HERC1: variants seen among roughly 807,000 people sequenced by gnomAD.
HERC1 encodes the protein probable E3 ubiquitin-protein ligase HERC1.
In HERC1, 160 loss-of-function variants were observed where a neutral mutation model predicts 554.3. The ratio of observed to expected loss-of-function variants is 0.29; its 90% CI spans 0.25 to 0.33. HERC1 has a LOEUF of 0.33. Among genes scored for constraint, HERC1 ranks in the 10% least tolerant of loss-of-function variants. HERC1 has a pLI of 1.00. For synonymous variants in HERC1, 2,175 were observed against 2,131.7 expected (o/e 1.02, Z -0.56); for missense variants, 4,919 against 5,918.5 (o/e 0.83, Z 5.54).
At chr15:63,805,104 G>A (rs952818896) in intron 1 of HERC1, among the ~76,000 whole-genome samples, 1 of 152,222 alleles carries the variant, frequency 6.6e-6, no homozygotes, top group African/African-American at 2.4e-5. Context: ...GAGAATACAT[G>A]ATTACATAAA....
At chr15:63,768,198 C>A (rs1364797978) in intron 2 of HERC1, among the ~76,000 whole-genome samples, 1 of 152,214 alleles carries the variant, frequency 6.6e-6, no homozygotes, top group East Asian at 1.9e-4. Context: ...TAACCTGCTG[C>A]TGCCAAGTCA....
At chr15:63,787,960 CAAAAA>C (rs375499946) in intron 1 of HERC1, among the ~76,000 whole-genome samples, 2 of 45,662 alleles carry the variant, frequency 4.4e-5, no homozygotes, top group East Asian at 6.6e-4. Context: ...GACCCTGTCT[CAAAAA>C]AAAAAAAAAA....
At chr15:63,651,485 T>A in intron 52 of HERC1, 105 bp from the exon 53 acceptor site, 1 of 1,034,686 alleles carries the variant, frequency 9.7e-7, no homozygotes, top group Non-Finnish European at 1.4e-6. Flanking sequence ...AGTGTATAAC[T>A]GATTCTTCTG....
chr15:63,637,707 T>G, intron 63 of HERC1, 64 bp from the exon 64 acceptor site: 6 of 1,312,188 alleles, frequency 4.6e-6, no homozygotes, highest in South Asian at 1.4e-5. Context: ...ATGCAAGCAC[T>G]TGAAATGATT....
chr15:63,680,412 A>G lies in HERC1; in HGVS notation c.6465+125T>C, dbSNP rs2071417377. 9.3e-7 allele frequency: 1 copy of G among 1,070,792 alleles called. No individual in the cohort carries two copies. The highest frequency in any genetic ancestry group is 1.3e-6 in the Non-Finnish European group (1 of 764,864). 66.3% of individuals were successfully genotyped at this position (1,070,792 alleles called of 1,614,324 possible). ...TGTTAATAAATGTTTTAAGAACCAGAAAGTATTAGAGAGAAAGGAGAGACG... is the reference window on the plus strand; with the variant it reads ...TGTTAATAAATGTTTTAAGAACCAGGAAGTATTAGAGAGAAAGGAGAGACG... On this transcript the variant is annotated intron_variant, in intron 35 of 77. Coordinates refer to ENST00000443617, the MANE Select transcript of HERC1 (RefSeq NM_003922.4). The surrounding 1 kb of genome is among the most constrained non-coding windows in gnomAD (Gnocchi z 5.8).
At chr15:63,684,454 A>G (rs2071636959) in intron 34 of HERC1, among the ~76,000 whole-genome samples, 1 of 152,264 alleles carries the variant, frequency 6.6e-6, no homozygotes, top group African/African-American at 2.4e-5. Context: ...TTTCTGGTTA[A>G]GTTGTATGCA....
At chr15:63,609,371 C>T in intron 77 of HERC1, 105 bp from the exon 78 acceptor site, 1 of 1,016,032 alleles carries the variant, frequency 9.8e-7, no homozygotes, top group South Asian at 1.8e-5. Flanking sequence ...ATTAACATGG[C>T]CACATGGTTA....
chr15:63,822,595 AAAAT>A (rs1341055943), intron 1 of HERC1, among the ~76,000 whole-genome samples: 3 of 152,164 alleles, frequency 2.0e-5, no homozygotes, highest in Non-Finnish European at 2.9e-5. Flanking sequence ...CAAAAAAAAA[AAAAT>A]TTTTAAATAA....
intron 1 of HERC1, among the ~76,000 whole-genome samples, chr15:63,822,309 G>C (rs184390734): frequency 6.6e-6 from 1 of 152,202 alleles, no homozygotes; most frequent in Non-Finnish European, 1.5e-5. Context: ...AAAATAGCCA[G>C]GTGCTGTGGC....
intron 34 of HERC1, among the ~76,000 whole-genome samples, chr15:63,684,080 A>G (rs1050287025): frequency 6.6e-6 from 1 of 152,224 alleles, no homozygotes; most frequent in African/African-American, 2.4e-5. Context: ...TGGACTGTCC[A>G]GGTTTCTTGC....
chr15:63,676,384 T>C (rs1347692282), intron 37 of HERC1, among the ~76,000 whole-genome samples: 4 of 152,328 alleles, frequency 2.6e-5, no homozygotes, highest in Middle Eastern at 3.4e-3. Flanking sequence ...TGTGTATGTA[T>C]TTTTTGGCTA....
Position 63,694,679 on chromosome 15 carries a change from C to T in HERC1, c.5242+95G>A, listed in dbSNP as rs538874714. On this transcript the variant is annotated intron_variant, in intron 28 of 77. Transcript: ENST00000443617. This position sits in a 1 kb window ranked among gnomAD's most constrained non-coding sequence, Gnocchi z 4.3. ...TATTCTTTACCTATAAGTTTATCTACTAATGTTAAACACAAAATATAGAAC... is the reference window on the plus strand; with the variant it reads ...TATTCTTTACCTATAAGTTTATCTATTAATGTTAAACACAAAATATAGAAC... 15 of 1,523,022 alleles carry T rather than the reference C, an allele frequency of 9.8e-6. No homozygotes were observed. The Admixed American group carries it at 2.3e-4, about 24-fold the overall frequency. 94.3% of individuals were successfully genotyped at this position (1,523,022 alleles called of 1,614,324 possible). A position where few individuals can be genotyped will look rare whatever the true frequency, so the allele number is the denominator to read the frequency against.
intron 1 of HERC1, among the ~76,000 whole-genome samples, chr15:63,829,776 A>G (rs2078093664): frequency 6.6e-6 from 1 of 151,576 alleles, no homozygotes; most frequent in Non-Finnish European, 1.5e-5. Flanking sequence ...TGAGCATGGA[A>G]CAGCCTGTGG....
rs184161650 is a variant in HERC1, at chr15:63,776,842, T to A, written c.-26-1193A>T. 3.2e-3 allele frequency among the ~76,000 whole-genome samples: 494 copies of A among 152,278 alleles called. 2 individuals carry two copies. The highest frequency in any genetic ancestry group is 5.7e-3 in the Non-Finnish European group (388 of 68,022). On this transcript the variant is annotated intron_variant, in intron 1 of 77. Coordinates refer to ENST00000443617, the MANE Select transcript of HERC1 (RefSeq NM_003922.4). ...ATAAAAAAACTCAGTGAAAGTGCAC[T>A]TGAGATTTTTACATTTCACTGCATG...
chr15:63,752,223 C>T (rs2075273221), intron 8 of HERC1, among the ~76,000 whole-genome samples: 1 of 152,146 alleles, frequency 6.6e-6, no homozygotes, highest in South Asian at 2.1e-4. Flanking sequence ...CTTTTCTGCT[C>T]CTCTGCCTTG....
chr15:63,712,924 T>C lies in HERC1; in HGVS notation c.4464-29A>G, dbSNP rs2073374764. 2.5e-6 allele frequency: 4 copies of C among 1,597,250 alleles called. 1 individual carries two copies. In the East Asian group the frequency reaches 9.0e-5, roughly 36 times the overall value. On this transcript the variant is annotated intron_variant, in intron 23 of 77. Transcript: ENST00000443617. ...TCTCACATGTACAAAAAAAAAAGTT[T>C]TTTGATTTAGGACTGTTAGTGAACA...
intron 12 of HERC1, among the ~76,000 whole-genome samples, chr15:63,739,349 C>A (rs2074693410): frequency 6.6e-6 from 1 of 151,914 alleles, no homozygotes; most frequent in East Asian, 2.0e-4. Flanking sequence ...AAGCACACGC[C>A]ACAACGCCAG....
intron 21 of HERC1, among the ~76,000 whole-genome samples, chr15:63,716,767 G>A (rs2073575272): frequency 6.6e-6 from 1 of 152,130 alleles, no homozygotes; most frequent in Non-Finnish European, 1.5e-5. Context: ...CTACAGAGCT[G>A]CAACTTAGTA....
chr15:63,797,590 A>G (rs1384955745), intron 1 of HERC1, among the ~76,000 whole-genome samples: 1 of 152,026 alleles, frequency 6.6e-6, no homozygotes, highest in Non-Finnish European at 1.5e-5. Flanking sequence ...CCATCAAACT[A>G]TCCTTGAAAA....
Sources: gnomAD v4.1 joint callset for allele counts (sites outside exome capture counted in the v4.1 genomes callset) on GRCh38, gnomAD v4.1.1 for gene constraint, Gnocchi (gnomAD v3.1) non-coding constraint, MANE v1.5 for transcripts, NCBI Gene and HGNC (gene_info 2026-07-23, HGNC 2026-07-21) for gene names.